LRMDA: variants seen among roughly 807,000 people sequenced by gnomAD.
LRMDA encodes the protein leucine-rich melanocyte differentiation-associated protein.
LRMDA carries 18 observed loss-of-function variants against 29.8 expected under a neutral mutation model. The observed-to-expected ratio is 0.60, with a 90% CI of 0.42 to 0.90. LRMDA has a LOEUF of 0.90. LRMDA is among the 40% of genes least tolerant of loss of function. The pLI, the probability that LRMDA is intolerant of heterozygous loss-of-function variation, is 0.00. For synonymous variants in LRMDA, 125 were observed against 109.4 expected (o/e 1.14, Z -0.89); for missense variants, 273 against 273.9 (o/e 1.00, Z 0.02).
chr10:75,788,728 A>C (rs1843516664), intron 2 of LRMDA, among the ~76,000 whole-genome samples: 1 of 152,252 alleles, frequency 6.6e-6, no homozygotes, highest in African/African-American at 2.4e-5. Context: ...AGGAAATGTA[A>C]TTTTTAACTT....
rs1850786175 is a variant in LRMDA, at chr10:76,168,847, TGAC to T, written c.516+110065_516+110067del. 2.0e-5 allele frequency among the ~76,000 whole-genome samples: 3 copies of T among 152,242 alleles called. No individual in the cohort carries two copies. In the South Asian group the frequency reaches 6.2e-4, roughly 31 times the overall value. On this transcript the variant is annotated intron_variant, in intron 5 of 6. Coordinates refer to ENST00000611255, the MANE Select transcript of LRMDA (RefSeq NM_001305581.2). ...ATTACAATAGATCTCATTTTATCCT[TGAC>T]ATTGGAATTCTGAAACATACATGCA...
At chr10:76,450,428 A>C (rs183713299) in intron 6 of LRMDA, among the ~76,000 whole-genome samples, 71 of 152,202 alleles carry the variant, frequency 4.7e-4, no homozygotes, top group African/African-American at 1.7e-3. Context: ...CTAGTCACTA[A>C]AAAAGTTCAT....
At chr10:76,365,361 A>T (rs1043591241) in intron 6 of LRMDA, among the ~76,000 whole-genome samples, 1 of 151,762 alleles carries the variant, frequency 6.6e-6, no homozygotes, top group African/African-American at 2.4e-5. Flanking sequence ...TTACATTTCC[A>T]CCCGCAGTGT....
Position 76,557,525 on chromosome 10 carries a change from C to T in LRMDA, c.*237C>T. The T allele has an allele frequency of 3.6e-6, 2 of 561,636 alleles. No individual in the cohort carries two copies. Among genetic ancestry groups the T allele is most frequent in the South Asian group, 4.4e-5 (2 of 45,348 alleles). 34.8% of individuals were successfully genotyped at this position (561,636 alleles called of 1,614,324 possible). ...TGATTGCCCTTAAGCAGGTCTCATC[C>T]ACCAGGGTGACAGACAGCGGTGGCA... On this transcript the variant is annotated 3_prime_UTR_variant, in exon 7 of 7. Transcript: ENST00000611255.
chr10:75,574,760 T>C (rs180892478), intron 2 of LRMDA, among the ~76,000 whole-genome samples: 57 of 152,346 alleles, frequency 3.7e-4, no homozygotes, highest in African/African-American at 1.3e-3. Flanking sequence ...CCAAGGTTTC[T>C]TCCAGGACTT....
intron 6 of LRMDA, among the ~76,000 whole-genome samples, chr10:76,495,902 C>A (rs1178005178): frequency 1.3e-5 from 1 of 77,564 alleles, no homozygotes; most frequent in African/African-American, 3.1e-5. Flanking sequence ...TTCAGGAGTT[C>A]TTTTATAGAC....
chr10:75,640,737 C>T (rs1841442040), intron 2 of LRMDA, among the ~76,000 whole-genome samples: 1 of 152,140 alleles, frequency 6.6e-6, no homozygotes, highest in African/African-American at 2.4e-5. Context: ...AGGCTCTGTC[C>T]TCAGCTGACT....
intron 2 of LRMDA, among the ~76,000 whole-genome samples, chr10:75,639,082 A>G (rs1471952104): frequency 6.6e-6 from 1 of 152,234 alleles, no homozygotes; most frequent in African/African-American, 2.4e-5. Flanking sequence ...TTTCTTAAGA[A>G]AGAAAAGGGA....
chr10:75,462,273 A>G (rs1476099201), intron 2 of LRMDA, among the ~76,000 whole-genome samples: 1 of 152,360 alleles, frequency 6.6e-6, no homozygotes, highest in African/African-American at 2.4e-5. Context: ...TCGAGCCCAC[A>G]TCTTTTAAGT....
intron 2 of LRMDA, among the ~76,000 whole-genome samples, chr10:75,611,763 A>G (rs1284029717): frequency 1.3e-5 from 2 of 152,274 alleles, no homozygotes; most frequent in East Asian, 1.9e-4. Flanking sequence ...CCAGAAATTG[A>G]GCTTGGCAAG....
intron 6 of LRMDA, among the ~76,000 whole-genome samples, chr10:76,524,001 C>T (rs145390075): frequency 9.1e-4 from 139 of 152,264 alleles, no homozygotes; most frequent in African/African-American, 3.2e-3. Flanking sequence ...TGAACATTGA[C>T]GCAAATTAAT....
At chr10:76,010,750 C>A (rs1229009118) in intron 2 of LRMDA, among the ~76,000 whole-genome samples, 1 of 152,248 alleles carries the variant, frequency 6.6e-6, no homozygotes, top group African/African-American at 2.4e-5. Context: ...CTCCCTGAAT[C>A]CTGACCTCTG....
intron 2 of LRMDA, among the ~76,000 whole-genome samples, chr10:75,785,479 G>A (rs1843456602): frequency 6.6e-6 from 1 of 152,188 alleles, no homozygotes; most frequent in Non-Finnish European, 1.5e-5. Flanking sequence ...GCAGGGGCAT[G>A]ATGGCTATAT....
At chr10:75,505,468 A>G (rs1019038664) in intron 2 of LRMDA, among the ~76,000 whole-genome samples, 1 of 152,220 alleles carries the variant, frequency 6.6e-6, no homozygotes, top group African/African-American at 2.4e-5. Context: ...ACAGTGGCAC[A>G]GTCACTAAAC....
intron 2 of LRMDA, among the ~76,000 whole-genome samples, chr10:75,483,016 CT>C (rs1203221940): frequency 6.6e-6 from 1 of 152,062 alleles, no homozygotes; most frequent in Non-Finnish European, 1.5e-5. Context: ...ACCATCTCAG[CT>C]TACTGCAACC....
At chr10:75,825,304 G>A (rs1468995043) in intron 2 of LRMDA, among the ~76,000 whole-genome samples, 2 of 152,098 alleles carry the variant, frequency 1.3e-5, no homozygotes, top group Non-Finnish European at 2.9e-5. Context: ...ACTTTGGGTG[G>A]TGTTAATTCC....
intron 5 of LRMDA, among the ~76,000 whole-genome samples, chr10:76,272,992 C>T (rs939161110): frequency 2.6e-5 from 4 of 152,126 alleles, no homozygotes; most frequent in African/African-American, 9.7e-5. Context: ...ATTCAAGATG[C>T]GATTTGGGTG....
chr10:75,959,538 T>C (rs1000606700), intron 2 of LRMDA, among the ~76,000 whole-genome samples: 14 of 133,060 alleles, frequency 1.1e-4, no homozygotes, highest in South Asian at 5.1e-4. Flanking sequence ...CACACACACA[T>C]ACTTCTGTAT....
Position 76,390,392 on chromosome 10 carries a change from G to A in LRMDA, c.601+65907G>A, listed in dbSNP as rs181092911. On this transcript the variant is annotated intron_variant, in intron 6 of 6. Transcript: ENST00000611255. ...AGGCAGGGAGATCAGGTAGGAAGTT[G>A]CACTAAACTAGCCAAGATGTGATAA... Among the ~76,000 whole-genome samples, 313 of 152,032 alleles carry A rather than the reference G, an allele frequency of 2.1e-3. 2 individuals carry two copies. The highest frequency in any genetic ancestry group is 5.9e-3 in the Admixed American group (90 of 15,274).
Sources: allele counts gnomAD v4.1 joint callset (sites outside exome capture counted in the v4.1 genomes callset), GRCh38; gene constraint gnomAD v4.1.1; transcripts MANE v1.5; gene names NCBI Gene and HGNC (gene_info 2026-07-23, HGNC 2026-07-21).